Variants in RGS21 observed in about 807,000 individuals in gnomAD.
RGS21 encodes regulator of G protein signaling 21.
A neutral mutation model predicts 18.7 loss-of-function variants in RGS21; 19 were observed. That is an observed-to-expected ratio of 1.01 (90% CI 0.71 to 1.49). RGS21 has a LOEUF of 1.49. RGS21 is among the 40% of genes most tolerant of loss of function. The pLI is 0.00. For missense variants in RGS21, 194 were observed against 176.8 expected (o/e 1.10, Z -0.55); for synonymous variants, 56 against 57.8 (o/e 0.97, Z 0.14).
rs892101081 is a variant in RGS21 at position 192,334,129 on chromosome 1, C to G, written c.-60-8848C>G. Among the ~76,000 whole-genome samples the G allele has an allele frequency of 2.0e-5, 3 of 152,056 alleles. No individual in the cohort carries two copies. The East Asian group carries it at 5.8e-4, about 29-fold the overall frequency. On this transcript the variant is annotated intron_variant, in intron 1 of 4. Transcript: ENST00000417209. Reference sequence around the variant, plus strand: ...TTTGGGTCTGCATGCCTTTGCTAATCTAGGCTACGTTTCTCGACAGTGAAC... The same window carrying G: ...TTTGGGTCTGCATGCCTTTGCTAATGTAGGCTACGTTTCTCGACAGTGAAC...
At chr1:192,326,914 A>T (rs1185112171) in intron 1 of RGS21, among the ~76,000 whole-genome samples, 1 of 152,134 alleles carries the variant, frequency 6.6e-6, no homozygotes, top group African/African-American at 2.4e-5. Flanking sequence ...AAGTTAAAAG[A>T]GCTCTCCAAA....
rs147188218 is a variant in RGS21 at position 192,323,521 on chromosome 1, G to A, written c.-61+6416G>A. Among the ~76,000 whole-genome samples the A allele has an allele frequency of 1.8e-4, 28 of 152,184 alleles. No homozygotes were observed. The East Asian group carries it at 5.2e-3, about 28-fold the overall frequency. Reference sequence around the variant, plus strand: ...ATGAAGAAAATAGATAATGGCAAGAGTGAGGGAAGAATGAAAAATGACTCC... The same window carrying A: ...ATGAAGAAAATAGATAATGGCAAGAATGAGGGAAGAATGAAAAATGACTCC... On this transcript the variant is annotated intron_variant, in intron 1 of 4. Transcript: ENST00000417209.
At chr1:192,317,928 A>G (rs1658442240) in intron 1 of RGS21, among the ~76,000 whole-genome samples, 1 of 152,016 alleles carries the variant, frequency 6.6e-6, no homozygotes, top group Non-Finnish European at 1.5e-5. Flanking sequence ...TTCACAACTC[A>G]AGATGAAATG....
chr1:192,342,854 G>C, intron 1 of RGS21, 123 bp from the exon 2 acceptor site: 1 of 553,010 alleles, frequency 1.8e-6, no homozygotes, highest in Non-Finnish European at 3.3e-6. Flanking sequence ...TTTGACCAAT[G>C]AAAAGTTAAT....
chr1:192,322,131 T>C (rs1658505982), intron 1 of RGS21, among the ~76,000 whole-genome samples: 1 of 152,104 alleles, frequency 6.6e-6, no homozygotes, highest in Admixed American at 6.6e-5. Context: ...ACCCAGTCTT[T>C]CCCCTCAGGA....
chr1:192,340,796 G>A (rs995898235), intron 1 of RGS21, among the ~76,000 whole-genome samples: 1 of 152,028 alleles, frequency 6.6e-6, no homozygotes, highest in African/African-American at 2.4e-5. Context: ...AAGAGAAAGA[G>A]GCAACCAAAA....
rs1232412041 is a variant in RGS21 at position 192,356,616 on chromosome 1, A to G, written c.255+4403A>G. Among the ~76,000 whole-genome samples, 5 of 151,860 alleles carry G rather than the reference A, an allele frequency of 3.3e-5. No individual in the cohort carries two copies. The Admixed American group carries it at 3.3e-4, about 10-fold the overall frequency. ...TAAGACCTTCATTATAAATAAGGAT[A>G]GTTTTAAACTGAGTCTTGGGGGAAG... On this transcript the variant is annotated intron_variant, in intron 4 of 4. Coordinates refer to ENST00000417209, the MANE Select transcript of RGS21 (RefSeq NM_001039152.3).
intron 3 of RGS21, among the ~76,000 whole-genome samples, chr1:192,348,187 A>G (rs900453629): frequency 4.0e-5 from 6 of 151,404 alleles, no homozygotes; most frequent in African/African-American, 1.2e-4. Context: ...CACGACACCA[A>G]GCTAATATGT....
intron 1 of RGS21, among the ~76,000 whole-genome samples, chr1:192,328,702 A>G (rs1468520169): frequency 6.6e-6 from 1 of 152,148 alleles, no homozygotes; most frequent in Non-Finnish European, 1.5e-5. Context: ...TAGCAATCTC[A>G]TTTCTAAGAA....
intron 4 of RGS21, among the ~76,000 whole-genome samples, chr1:192,355,499 T>C (rs1557981315): frequency 6.6e-6 from 1 of 151,436 alleles, no homozygotes; most frequent in Non-Finnish European, 1.5e-5. Context: ...GCTCATTGAG[T>C]AAATTTTACC....
intron 1 of RGS21, among the ~76,000 whole-genome samples, chr1:192,327,682 A>G (rs568966737): frequency 6.6e-6 from 1 of 152,188 alleles, no homozygotes; most frequent in Non-Finnish European, 1.5e-5. Flanking sequence ...CATGTTGGCC[A>G]GGCTGGTCTT....
At chr1:192,364,637 T>C (rs2102239998) in intron 4 of RGS21, among the ~76,000 whole-genome samples, 1 of 152,212 alleles carries the variant, frequency 6.6e-6, no homozygotes, top group Non-Finnish European at 1.5e-5. Context: ...GCACCATAAA[T>C]TGTCATTTAT....
chr1:192,324,684 T>C (rs1163286054), intron 1 of RGS21, among the ~76,000 whole-genome samples: 1 of 151,954 alleles, frequency 6.6e-6, no homozygotes, highest in Non-Finnish European at 1.5e-5. Context: ...CACACACACA[T>C]AATTATAAAA....
chr1:192,345,973 T>A (rs1191046778), intron 2 of RGS21, among the ~76,000 whole-genome samples: 1 of 151,906 alleles, frequency 6.6e-6, no homozygotes, highest in African/African-American at 2.4e-5. Flanking sequence ...AGACAGAAAC[T>A]GAACAACTCA....
intron 3 of RGS21, among the ~76,000 whole-genome samples, chr1:192,351,789 C>T (rs1659045679): frequency 6.9e-6 from 1 of 145,668 alleles, no homozygotes. Context: ...ATATATAACA[C>T]ATATATAGCA....
intron 1 of RGS21, among the ~76,000 whole-genome samples, chr1:192,325,420 G>A (rs757855337): frequency 1.5e-4 from 23 of 152,024 alleles, no homozygotes; most frequent in Admixed American, 4.6e-4. Flanking sequence ...GAATATATGA[G>A]TGCATGTGTC....
intron 3 of RGS21, among the ~76,000 whole-genome samples, chr1:192,349,634 T>A (rs1659007557): frequency 6.6e-6 from 1 of 152,192 alleles, no homozygotes; most frequent in Non-Finnish European, 1.5e-5. Context: ...ATTGTATGTA[T>A]AGGAGAGTAA....
At chr1:192,353,321 C>G (rs76982973) in intron 4 of RGS21, among the ~76,000 whole-genome samples, 3,687 of 151,988 alleles carry the variant, frequency 0.024, 71 homozygotes, top group Non-Finnish European at 0.039. Context: ...ACCACTGAAG[C>G]ATGGCCTGGA....
At chr1:192,362,127 A>G (rs962136415) in intron 4 of RGS21, among the ~76,000 whole-genome samples, 14 of 152,158 alleles carry the variant, frequency 9.2e-5, no homozygotes, top group African/African-American at 3.4e-4. Context: ...TTTCAAAATA[A>G]CATATTAAAG....
Sources: gnomAD v4.1 joint callset for allele counts (sites outside exome capture counted in the v4.1 genomes callset) on GRCh38, gnomAD v4.1.1 for gene constraint, MANE v1.5 for transcripts, NCBI Gene and HGNC (gene_info 2026-07-23, HGNC 2026-07-21) for gene names.